The following CSMD1 variants were observed in gnomAD, a reference collection of about 807,000 sequenced individuals.
CSMD1 encodes the protein CUB and sushi domain-containing protein 1.
CSMD1 carries 213 observed loss-of-function variants against 417.5 expected under a neutral mutation model. The ratio of observed to expected loss-of-function variants is 0.51; its 90% CI spans 0.46 to 0.57. The LOEUF is 0.57. Among genes scored for constraint, CSMD1 ranks in the 20% least tolerant of loss-of-function variants. The pLI is 0.00. For synonymous variants in CSMD1, 2,862 were observed against 1,736.8 expected (o/e 1.65, Z -16.11); for missense variants, 6,923 against 4,529.7 (o/e 1.53, Z -15.17).
chr8:4,189,248 C>T (rs558388173), intron 3 of CSMD1, among the ~76,000 whole-genome samples: 1 of 152,176 alleles, frequency 6.6e-6, no homozygotes, highest in Non-Finnish European at 1.5e-5. Flanking sequence ...CTAAGCCCAC[C>T]TTTGCCCATC....
At chr8:3,474,761 A>T (rs1817312025) in intron 11 of CSMD1, among the ~76,000 whole-genome samples, 2 of 152,164 alleles carry the variant, frequency 1.3e-5, no homozygotes. Flanking sequence ...ACATTCATCA[A>T]AACATATAGT....
chr8:3,528,951 C>T (rs1364008251), intron 10 of CSMD1, among the ~76,000 whole-genome samples: 1 of 152,060 alleles, frequency 6.6e-6, no homozygotes, highest in Non-Finnish European at 1.5e-5. Flanking sequence ...TAATTACATG[C>T]CAGTGAAAAG....
intron 2 of CSMD1, among the ~76,000 whole-genome samples, chr8:4,614,973 T>C (rs2130800188): frequency 6.6e-6 from 1 of 152,330 alleles, no homozygotes; most frequent in South Asian, 2.1e-4. Context: ...AACAGTCGTA[T>C]TTGTAGTACA....
intron 1 of CSMD1, among the ~76,000 whole-genome samples, chr8:4,698,306 T>G (rs952976976): frequency 2.6e-5 from 4 of 152,148 alleles, no homozygotes; most frequent in African/African-American, 9.7e-5. Flanking sequence ...AAATGAGTTT[T>G]TGATGAACAA....
intron 10 of CSMD1, among the ~76,000 whole-genome samples, chr8:3,496,760 A>G (rs1402972854): frequency 6.6e-6 from 1 of 152,006 alleles, no homozygotes; most frequent in Non-Finnish European, 1.5e-5. Flanking sequence ...TGGGAGGTGG[A>G]GGTTGCAGTG....
At chr8:4,243,273 C>G (rs1482047664) in intron 3 of CSMD1, among the ~76,000 whole-genome samples, 2 of 152,124 alleles carry the variant, frequency 1.3e-5, no homozygotes, top group African/African-American at 4.8e-5. Context: ...TACCTAGTCT[C>G]ATGAACTAGG....
chr8:4,068,485 C>G (rs574245666), intron 3 of CSMD1, among the ~76,000 whole-genome samples: 2 of 152,270 alleles, frequency 1.3e-5, no homozygotes, highest in South Asian at 4.1e-4. Flanking sequence ...TAACACATAG[C>G]ATCATTACAG....
intron 10 of CSMD1, among the ~76,000 whole-genome samples, chr8:3,538,600 G>C (rs1245809865): frequency 1.3e-5 from 2 of 152,262 alleles, no homozygotes; most frequent in Non-Finnish European, 1.5e-5. Context: ...GCCCACAAAA[G>C]TGAGCCCCAT....
At chr8:4,794,561 G>A (rs945030941) in intron 1 of CSMD1, among the ~76,000 whole-genome samples, 4 of 152,056 alleles carry the variant, frequency 2.6e-5, no homozygotes, top group African/African-American at 7.2e-5. Context: ...CCACCTATGT[G>A]CTGAGAGATT....
chr8:3,612,273 C>A (rs1468978311), intron 8 of CSMD1, among the ~76,000 whole-genome samples: 1 of 152,046 alleles, frequency 6.6e-6, no homozygotes, highest in Non-Finnish European at 1.5e-5. Flanking sequence ...TAAACATTTG[C>A]GTACCTAATT....
chr8:4,522,699 C>G (rs545341828), intron 2 of CSMD1, among the ~76,000 whole-genome samples: 2 of 152,282 alleles, frequency 1.3e-5, no homozygotes, highest in African/African-American at 2.4e-5. Context: ...TATCATCTCA[C>G]TTTACCAAAG....
At chr8:4,533,617 C>A (rs940633497) in intron 2 of CSMD1, among the ~76,000 whole-genome samples, 1 of 151,844 alleles carries the variant, frequency 6.6e-6, no homozygotes, top group African/African-American at 2.4e-5. Context: ...AGAAAATAAC[C>A]CACTAATGAT....
chr8:3,459,987 C>T (rs904745738), intron 12 of CSMD1, among the ~76,000 whole-genome samples: 1 of 152,204 alleles, frequency 6.6e-6, no homozygotes, highest in Non-Finnish European at 1.5e-5. Context: ...ACATTTTGCA[C>T]ATCTCTAAGG....
chr8:4,055,837 TTTTC>T (rs1319308771), intron 3 of CSMD1, among the ~76,000 whole-genome samples: 2 of 152,142 alleles, frequency 1.3e-5, no homozygotes, highest in African/African-American at 4.8e-5. Flanking sequence ...TTACAGTTGA[TTTTC>T]TTTTTTACTA....
chr8:4,562,443 T>C (rs947158288), intron 2 of CSMD1, among the ~76,000 whole-genome samples: 6 of 152,194 alleles, frequency 3.9e-5, no homozygotes, highest in Non-Finnish European at 8.8e-5. Context: ...GTTGAAGTTA[T>C]AATTCAACTC....
intron 63 of CSMD1, among the ~76,000 whole-genome samples, chr8:2,956,120 A>G (rs1205296754): frequency 6.6e-6 from 1 of 152,068 alleles, no homozygotes; most frequent in African/African-American, 2.4e-5. Context: ...CTGCTATACT[A>G]CCGAAATAAA....
rs181041965 is a variant in CSMD1 at position 4,697,864 on chromosome 8, T to C, written c.86-60306A>G. On this transcript the variant is annotated intron_variant, in intron 1 of 69. Coordinates refer to ENST00000635120, the MANE Select transcript of CSMD1 (RefSeq NM_033225.6). Reference sequence around the variant, plus strand: ...TTAGTAAACTGCTTGATATTTGTAATATCTTACATAATATGTAAAGGACCA... The same window carrying C: ...TTAGTAAACTGCTTGATATTTGTAACATCTTACATAATATGTAAAGGACCA... 2.4e-4 allele frequency among the ~76,000 whole-genome samples: 37 copies of C among 152,310 alleles called. 1 individual carries two copies. In the South Asian group the frequency reaches 6.0e-3, roughly 25 times the overall value.
intron 40 of CSMD1, among the ~76,000 whole-genome samples, chr8:3,145,274 C>A (rs1818775046): frequency 6.6e-6 from 1 of 152,040 alleles, no homozygotes; most frequent in Non-Finnish European, 1.5e-5. Context: ...AAAACCGGGG[C>A]CAGATTGGAA....
intron 16 of CSMD1, among the ~76,000 whole-genome samples, chr8:3,398,376 G>C (rs75179073): frequency 3.3e-3 from 504 of 152,266 alleles, no homozygotes; most frequent in Non-Finnish European, 5.9e-3. Context: ...TGTTCTAAGA[G>C]ATTGTGCTAT....
Sources: allele counts gnomAD v4.1 joint callset (sites outside exome capture counted in the v4.1 genomes callset), GRCh38; gene constraint gnomAD v4.1.1; transcripts MANE v1.5; gene names NCBI Gene and HGNC (gene_info 2026-07-23, HGNC 2026-07-21).